The following GLYAT variants were observed in gnomAD, a reference collection of about 807,000 sequenced individuals.
The protein encoded by GLYAT is glycine-N-acyltransferase, also known as glycine N-acyltransferase.
Under a neutral mutation model 22.8 loss-of-function variants are expected in GLYAT, and 25 were observed. That is an observed-to-expected ratio of 1.09 (90% confidence interval 0.80 to 1.53). The LOEUF is 1.53. Ranked by LOEUF, GLYAT falls within the 40% of genes most tolerant of loss-of-function variation. GLYAT has a pLI of 0.00. For synonymous variants in GLYAT, 140 were observed against 122.7 expected (o/e 1.14, Z -0.93); for missense variants, 411 against 353.9 (o/e 1.16, Z -1.29).
intron 1 of GLYAT, among the ~76,000 whole-genome samples, chr11:58,728,889 A>AGAAGGAAG (rs71064488): frequency 1.5e-3 from 151 of 101,300 alleles, no homozygotes; most frequent in East Asian, 8.9e-3. Context: ...AAAGAAAGAA[A>AGAAGGAAG]GAAGGAAGGA....
Position 58,712,779 on chromosome 11 carries a change from T to A in GLYAT, c.297A>T (p.Lys99Asn). 6.2e-7 allele frequency: 1 copy of A among 1,613,186 alleles called. No individual in the cohort carries two copies. The highest frequency in any genetic ancestry group is 8.5e-7 in the Non-Finnish European group (1 of 1,179,286). ...ACTTACTTTGAATCTGTAAATGCTGTTTCCAGTTGATGAGTTCTGGTGATC... is the reference window on the plus strand; with the variant it reads ...ACTTACTTTGAATCTGTAAATGCTGATTCCAGTTGATGAGTTCTGGTGATC... ...FLGSPELINW[K>N]QHLQIQSSQP... Residue 99 changes from lysine to asparagine, a missense_variant, in exon 4 of 6, where the codon AAA becomes AAT. Lys to Asn is a moderately conservative substitution (Grantham distance 94). Coordinates refer to ENST00000344743, the MANE Select transcript of GLYAT (RefSeq NM_201648.3).
At chr11:58,727,165 CT>C (rs1240514195) in intron 1 of GLYAT, among the ~76,000 whole-genome samples, 1 of 152,050 alleles carries the variant, frequency 6.6e-6, no homozygotes. Context: ...CAATTAGTGT[CT>C]TTTTTGGCAA....
rs777834138 is a variant in GLYAT, at chr11:58,710,148, A to G, written c.509T>C (p.Leu170Pro). ...PKAINQEMFK[L>P]SSMDVTHAHL... Reference sequence around the variant, plus strand: ...AGCATGGGTAACATCCATGGATGAGAGTTTAAACATCTCTTGGTTGCTATG... The same window carrying G: ...AGCATGGGTAACATCCATGGATGAGGGTTTAAACATCTCTTGGTTGCTATG... Residue 170 changes from leucine to proline, a missense_variant, in exon 6 of 6, where the codon CTC becomes CCC. Transcript: ENST00000344743. The G allele has an allele frequency of 6.2e-6, 10 of 1,613,004 alleles. No individual in the cohort carries two copies. In the Admixed American group the frequency reaches 1.7e-4, roughly 27 times the overall value.
rs763046132 is a variant in GLYAT, at chr11:58,710,004, C to A, written c.653G>T (p.Cys218Phe). Reference sequence around the variant, plus strand: ...TCCAGTCTGGTCCATTAGATCCCAGCACACAGGGGTCCCCTCAGGCCCCAG... The same window carrying A: ...TCCAGTCTGGTCCATTAGATCCCAGAACACAGGGGTCCCCTCAGGCCCCAG... The part of the protein sequence containing the change: ...CLLGPEGTPV[C>F]WDLMDQTGEM... The change falls in exon 6 of 6, where the codon TGC (cysteine) becomes TTC (phenylalanine). Residue 218 changes from cysteine to phenylalanine, a missense_variant. Transcript: ENST00000344743. The A allele has an allele frequency of 2.5e-6, 4 of 1,614,006 alleles. No homozygotes were observed. The highest frequency in any genetic ancestry group is 2.7e-5 in the African/African-American group (2 of 74,938).
intron 2 of GLYAT, among the ~76,000 whole-genome samples, chr11:58,717,538 C>A (rs1447455257): frequency 6.7e-6 from 1 of 149,050 alleles, no homozygotes; most frequent in Non-Finnish European, 1.5e-5. Flanking sequence ...TCAGTTATTT[C>A]AAATTAGGAA....
intron 2 of GLYAT, among the ~76,000 whole-genome samples, chr11:58,722,924 T>C (rs561249494): frequency 1.3e-5 from 2 of 152,084 alleles, no homozygotes; most frequent in South Asian, 4.2e-4. Context: ...AATTTTAGAG[T>C]TCCATTAGGG....
At chr11:58,731,114 T>G (rs1031457508) in intron 1 of GLYAT, among the ~76,000 whole-genome samples, 7 of 152,186 alleles carry the variant, frequency 4.6e-5, no homozygotes, top group African/African-American at 1.7e-4. Flanking sequence ...TTGTTTTCTG[T>G]ATAATTTAAA....
At position 58,715,336 on chromosome 11, in the gene GLYAT, C is replaced by A. The variant is rs765808204; in HGVS notation, c.169G>T (p.Val57Phe). ...VDKWPDFNTVVVCPQEQDMTD... is the reference protein window; with the variant it reads ...VDKWPDFNTVFVCPQEQDMTD... ...CTTACCTGCTCCTGAGGGCAGACAA[C>A]CACTGTATTAAAATCAGGCCACTTG... Residue 57 changes from valine to phenylalanine, a missense_variant, in exon 3 of 6, where the codon GTT (valine) becomes TTT (phenylalanine). Transcript: ENST00000344743. The A allele has an allele frequency of 1.7e-5, 26 of 1,550,870 alleles. No homozygotes were observed. The highest frequency in any genetic ancestry group is 2.3e-5 in the Non-Finnish European group (26 of 1,123,028).
intron 2 of GLYAT, among the ~76,000 whole-genome samples, chr11:58,718,851 A>G (rs1039722549): frequency 1.3e-5 from 2 of 152,010 alleles, no homozygotes; most frequent in Non-Finnish European, 2.9e-5. Context: ...AAGAAAATTT[A>G]TTACCTCTGT....
At chr11:58,712,979 T>A in intron 3 of GLYAT, 93 bp from the exon 4 acceptor site, 1 of 774,418 alleles carries the variant, frequency 1.3e-6, no homozygotes, top group Non-Finnish European at 2.0e-6. Context: ...TAATAAAATA[T>A]TGGTAGTTTT....
chr11:58,713,199 T>A (rs1856638434), intron 3 of GLYAT, among the ~76,000 whole-genome samples: 1 of 152,160 alleles, frequency 6.6e-6, no homozygotes, highest in African/African-American at 2.4e-5. Context: ...ATAGTCATCC[T>A]ATGTTAAACA....
Position 58,710,086 on chromosome 11 carries a change from C to A in GLYAT, c.571G>T (p.Glu191Ter). The A allele has an allele frequency of 6.2e-7, 1 of 1,614,072 alleles. No homozygotes were observed. The highest frequency in any genetic ancestry group is 8.5e-7 in the Non-Finnish European group (1 of 1,179,958). Residue 191 changes from glutamate (E) to a stop codon, truncating the protein, a stop_gained, in exon 6 of 6, where the codon GAG becomes TAG. Transcript: ENST00000344743. LOFTEE classifies it low-confidence loss of function (END_TRUNC). Reference sequence around the variant, plus strand: ...CGCTCAATGAATCTCTGGCTCCTCTCATTACCACCAAAATGCCAGAATTTA... The same window carrying A: ...CGCTCAATGAATCTCTGGCTCCTCTAATTACCACCAAAATGCCAGAATTTA... ...VNKFWHFGGN[E>*]RSQRFIERCI...
chr11:58,710,213 T>C (rs894566495), intron 5 of GLYAT, 45 bp from the exon 6 acceptor site: 1 of 1,555,674 alleles, frequency 6.4e-7, no homozygotes, highest in Non-Finnish European at 8.7e-7. Flanking sequence ...AGTATAAAGG[T>C]TTGTATTTGC....
At chr11:58,713,265 A>T (rs528136) in intron 3 of GLYAT, among the ~76,000 whole-genome samples, 105,541 of 152,054 alleles carry the variant, frequency 0.69, 38,038 homozygotes, top group Middle Eastern at 0.9. Context: ...ATTATTTCTG[A>T]ATTCTTTAAA....
rs140628101 is a variant in GLYAT at position 58,724,618 on chromosome 11, C to A, written c.-15-107G>T. 966 of 468,932 alleles carry A rather than the reference C, an allele frequency of 2.1e-3. 7 individuals carry two copies. The highest frequency in any genetic ancestry group is 0.017 in the African/African-American group (882 of 50,932). 29.0% of individuals were successfully genotyped at this position (468,932 alleles called of 1,614,324 possible). On this transcript the variant is annotated intron_variant, in intron 1 of 5. Transcript: ENST00000344743. ...TGACCAGGTTTTTTTTTTTTAGTGC[C>A]TTTCAACTGCAGTCCTCAGCAAATC...
rs1367169198 is a variant in GLYAT at position 58,709,693 on chromosome 11, T to C, written c.*73A>G. ...ACTGCTGATTACAATTTATTATTTC[T>C]TTTCATCCACCATCCACTCCTCAAA... On this transcript the variant is annotated 3_prime_UTR_variant, in exon 6 of 6. Coordinates refer to ENST00000344743, the MANE Select transcript of GLYAT (RefSeq NM_201648.3). The C allele has an allele frequency of 6.8e-7, 1 of 1,470,380 alleles. No individual in the cohort carries two copies. The highest frequency in any genetic ancestry group is 9.2e-7 in the Non-Finnish European group (1 of 1,086,358). 91.1% of individuals were successfully genotyped at this position (1,470,380 alleles called of 1,614,324 possible). A position where few individuals can be genotyped will look rare whatever the true frequency, so the allele number is the denominator to read the frequency against.
intron 2 of GLYAT, 64 bp downstream of exon 2, chr11:58,724,352 C>G: frequency 4.8e-6 from 4 of 831,688 alleles, no homozygotes; most frequent in Non-Finnish European, 8.0e-6. Flanking sequence ...AATATCAGTC[C>G]CTTTCCCTCC....
In GLYAT at chr11:58,709,872, T is replaced by G. The variant is rs1162012851; in HGVS notation, c.785A>C (p.Tyr262Ser). The change falls in exon 6 of 6, where the codon TAT becomes TCT. Residue 262 changes from tyrosine (Y) to serine (S), a missense_variant. Transcript: ENST00000344743. Reference sequence around the variant, plus strand: ...TTCATTGCTGTAGTCTACATGAGAATAGACAGGAAACCCAAGTTTGCCCAA... The same window carrying G: ...TTCATTGCTGTAGTCTACATGAGAAGAGACAGGAAACCCAAGTTTGCCCAA... The part of the protein sequence containing the change: ...QKLGKLGFPV[Y>S]SHVDYSNEAM... The G allele has an allele frequency of 1.2e-6, 2 of 1,614,144 alleles. No homozygotes were observed. Among genetic ancestry groups the G allele is most frequent in the Admixed American group, 3.3e-5 (2 of 60,010 alleles).
chr11:58,731,139 T>G (rs990474343), intron 1 of GLYAT, among the ~76,000 whole-genome samples: 1 of 152,190 alleles, frequency 6.6e-6, no homozygotes, highest in African/African-American at 2.4e-5. Context: ...CAATAAATCT[T>G]GTCTGTATTC....
Sources: allele counts gnomAD v4.1 joint callset (sites outside exome capture counted in the v4.1 genomes callset), GRCh38; gene constraint gnomAD v4.1.1; transcripts MANE v1.5; gene names NCBI Gene and HGNC (gene_info 2026-07-23, HGNC 2026-07-21).